The following NACC2 variants were observed in gnomAD, a reference collection of about 807,000 sequenced individuals.
NACC2 encodes the protein nucleus accumbens-associated protein 2.
Under a neutral mutation model 25.1 loss-of-function variants are expected in NACC2, and 8 were observed. That is an observed-to-expected ratio of 0.32 (90% CI 0.19 to 0.57). The LOEUF is 0.57. NACC2 is among the 20% of genes least tolerant of loss of function. NACC2 has a pLI of 0.89. For missense variants in NACC2, 644 were observed against 650.2 expected (o/e 0.99, Z 0.10); for synonymous variants, 435 against 294.7 (o/e 1.48, Z -4.88).
chr9:136,087,384 C>T (rs562729361), intron 1 of NACC2, among the ~76,000 whole-genome samples: 1 of 152,348 alleles, frequency 6.6e-6, no homozygotes, highest in East Asian at 1.9e-4. Context: ...CCCTTCCCTC[C>T]TCCTGGCCTG....
chr9:136,081,091 G>A (rs914230299), intron 1 of NACC2, among the ~76,000 whole-genome samples: 11 of 152,172 alleles, frequency 7.2e-5, no homozygotes, highest in Non-Finnish European at 1.0e-4. Flanking sequence ...GAGAAGAAAC[G>A]CGCGTTTCCC....
intron 1 of NACC2, among the ~76,000 whole-genome samples, chr9:136,067,287 T>C (rs1177731391): frequency 2.9e-5 from 4 of 136,284 alleles, no homozygotes; most frequent in Non-Finnish European, 6.2e-5. Context: ...AAAAAAAAAA[T>C]TGTTGTTGCC....
Position 136,019,682 on chromosome 9 carries a change from G to C in NACC2, c.887-3253C>G, listed in dbSNP as rs1326661273. On this transcript the variant is annotated intron_variant, in intron 2 of 5. Coordinates refer to ENST00000277554, the MANE Select transcript of NACC2 (RefSeq NM_144653.5). This position sits in a 1 kb window ranked among gnomAD's most constrained non-coding sequence, Gnocchi z 5.2. Reference sequence around the variant, plus strand: ...GCAGCCTCCCGGGCAGCAGGGCCCAGCTACTGAGGGTAGGCAGGTGGGCAG... The same window carrying C: ...GCAGCCTCCCGGGCAGCAGGGCCCACCTACTGAGGGTAGGCAGGTGGGCAG... Among the ~76,000 whole-genome samples the C allele has an allele frequency of 1.3e-5, 2 of 152,190 alleles. No individual in the cohort carries two copies. Among genetic ancestry groups the C allele is most frequent in the East Asian group, 3.9e-4 (2 of 5,188 alleles).
rs1195828070 is a variant in NACC2, at chr9:136,019,467, G to GA, written c.887-3039dup. 1.3e-5 allele frequency: 2 copies of GA among 152,284 alleles called. No individual in the cohort carries two copies. The highest frequency in any genetic ancestry group is 4.8e-5 in the African/African-American group (2 of 41,454). The allele number at this position is 152,284 out of a possible 1,614,324, so 9.4% of individuals were successfully genotyped here. On this transcript the variant is annotated intron_variant, in intron 2 of 5. Coordinates refer to ENST00000277554, the MANE Select transcript of NACC2 (RefSeq NM_144653.5). This position sits in a 1 kb window ranked among gnomAD's most constrained non-coding sequence, Gnocchi z 5.2. Reference sequence around the variant, plus strand: ...CACCCCAGGACTGGCCGCTGTAGCAGAACTGCCACCTTCACCCTCGACAGC... The same window carrying GA: ...CACCCCAGGACTGGCCGCTGTAGCAGAAACTGCCACCTTCACCCTCGACAGC...
intron 1 of NACC2, among the ~76,000 whole-genome samples, chr9:136,076,562 A>C (rs1347948002): frequency 2.0e-5 from 3 of 152,094 alleles, no homozygotes; most frequent in African/African-American, 7.2e-5. Context: ...GTTGGTGTTC[A>C]ATGGGTGCAG....
Position 136,011,568 on chromosome 9 carries a change from GTCTGGGGCCT to G in NACC2, c.1702_1711del (p.Pro569ArgfsTer29). 1 of 1,408,722 alleles carries G rather than the reference GTCTGGGGCCT, an allele frequency of 7.1e-7. No individual in the cohort carries two copies. Among genetic ancestry groups the G allele is most frequent in the African/African-American group, 1.5e-5 (1 of 66,774 alleles). 87.3% of individuals were successfully genotyped at this position (1,408,722 alleles called of 1,614,324 possible). A position where few individuals can be genotyped will look rare whatever the true frequency, so the allele number is the denominator to read the frequency against. Reference sequence around the variant, plus strand: ...CGGCCTCCGGGCCGCGGCCGCCGGCGTCTGGGGCCTGCTGGGGCCGCCCCCGCCCTGCTCA... The same window carrying G: ...CGGCCTCCGGGCCGCGGCCGCCGGCGGCTGGGGCCGCCCCCGCCCTGCTCA... On this transcript the variant is annotated frameshift_variant, in exon 6 of 6. Transcript: ENST00000277554. LOFTEE classifies it high-confidence loss of function.
chr9:136,034,748 T>C (rs1250933473), intron 2 of NACC2, among the ~76,000 whole-genome samples: 1 of 152,172 alleles, frequency 6.6e-6, no homozygotes, highest in East Asian at 1.9e-4. Context: ...GGGGAAGCTC[T>C]TTCCTGTAAG....
chr9:136,012,154 G>C, intron 5 of NACC2, 130 bp from the exon 6 acceptor site: 4 of 1,167,280 alleles, frequency 3.4e-6, no homozygotes, highest in Non-Finnish European at 3.5e-6. Flanking sequence ...GACCACCTGG[G>C]GCTCTCCTGG....
At chr9:136,046,984 C>T (rs1840738419) in intron 2 of NACC2, among the ~76,000 whole-genome samples, 1 of 152,216 alleles carries the variant, frequency 6.6e-6, no homozygotes, top group Non-Finnish European at 1.5e-5. Flanking sequence ...CATTACCACA[C>T]ACCAAGGTGC....
intron 2 of NACC2, among the ~76,000 whole-genome samples, chr9:136,041,175 A>C (rs1435253555): frequency 2.0e-5 from 3 of 152,222 alleles, no homozygotes; most frequent in Non-Finnish European, 4.4e-5. Context: ...TAATCCCAGC[A>C]CTTTGGAAGG....
intron 1 of NACC2, among the ~76,000 whole-genome samples, chr9:136,063,767 C>G (rs1157555800): frequency 6.6e-6 from 1 of 151,666 alleles, no homozygotes. Context: ...CCTATTATCC[C>G]AGCTACTCAG....
chr9:136,028,824 C>T (rs747553428), intron 2 of NACC2, among the ~76,000 whole-genome samples: 5 of 152,168 alleles, frequency 3.3e-5, no homozygotes, highest in African/African-American at 4.8e-5. Flanking sequence ...GGACCTGCTC[C>T]GATTTTGGAG....
intron 2 of NACC2, among the ~76,000 whole-genome samples, chr9:136,047,698 C>T (rs1840751225): frequency 6.6e-6 from 1 of 152,204 alleles, no homozygotes; most frequent in African/African-American, 2.4e-5. Flanking sequence ...TGCCTCCCGT[C>T]CCCACCCAAC....
chr9:136,064,106 C>T (rs931096968), intron 1 of NACC2, among the ~76,000 whole-genome samples: 4 of 151,798 alleles, frequency 2.6e-5, no homozygotes, highest in African/African-American at 4.8e-5. Context: ...CTGGACAGCA[C>T]GGCAAGACCT....
At chr9:136,056,479 T>C (rs1840926594) in intron 1 of NACC2, among the ~76,000 whole-genome samples, 1 of 152,180 alleles carries the variant, frequency 6.6e-6, no homozygotes, top group African/African-American at 2.4e-5. Flanking sequence ...TCATCCTTCC[T>C]GGGTGGTCTC....
chr9:136,066,875 C>T (rs1215341575), intron 1 of NACC2, among the ~76,000 whole-genome samples: 1 of 151,464 alleles, frequency 6.6e-6, no homozygotes, highest in Non-Finnish European at 1.5e-5. Flanking sequence ...AAAAAAAATG[C>T]TGGTCACAAG....
Position 136,011,587 on chromosome 9 carries a change from C to T in NACC2, c.1693G>A (p.Gly565Ser), listed in dbSNP as rs763715218. 2.9e-6 allele frequency: 4 copies of T among 1,393,812 alleles called. No homozygotes were observed. Among genetic ancestry groups the T allele is most frequent in the Middle Eastern group, 2.3e-4 (1 of 4,276 alleles). 86.3% of individuals were successfully genotyped at this position (1,393,812 alleles called of 1,614,324 possible). A position where few individuals can be genotyped will look rare whatever the true frequency, so the allele number is the denominator to read the frequency against. Reference sequence around the variant, plus strand: ...GCCGGCGTCTGGGGCCTGCTGGGGCCGCCCCCGCCCTGCTCAAAGGGCTGT... The same window carrying T: ...GCCGGCGTCTGGGGCCTGCTGGGGCTGCCCCCGCCCTGCTCAAAGGGCTGT... ...PPQPFEQGGG[G>S]PSRPQTPAAA... is the part of the protein sequence containing the mutation. Residue 565 changes from glycine (G) to serine (S), a missense_variant, in exon 6 of 6, where the codon GGC becomes AGC. Physicochemically the swap from Gly to Ser is moderately conservative, Grantham distance 56 (BLOSUM62 0). Coordinates refer to ENST00000277554, the MANE Select transcript of NACC2 (RefSeq NM_144653.5).
chr9:136,016,978 A>T (rs1261007356), intron 2 of NACC2, among the ~76,000 whole-genome samples: 1 of 152,104 alleles, frequency 6.6e-6, no homozygotes, highest in Non-Finnish European at 1.5e-5. Context: ...GCTCCCAGCA[A>T]GGGGCAGTGG....
intron 2 of NACC2, among the ~76,000 whole-genome samples, chr9:136,032,444 C>T (rs899135142): frequency 6.6e-6 from 1 of 152,108 alleles, no homozygotes; most frequent in Admixed American, 6.5e-5. Flanking sequence ...TAAAATGTAT[C>T]ACAGTAAGGC....
Sources: gnomAD v4.1 joint callset for allele counts (sites outside exome capture counted in the v4.1 genomes callset) on GRCh38, gnomAD v4.1.1 for gene constraint, Gnocchi (gnomAD v3.1) non-coding constraint, MANE v1.5 for transcripts, NCBI Gene and HGNC (gene_info 2026-07-23, HGNC 2026-07-21) for gene names.